Variants in NACC1 observed in about 807,000 individuals in gnomAD.
NACC1 encodes nucleus accumbens-associated protein 1.
NACC1 carries 6 observed loss-of-function variants against 41.7 expected under a neutral mutation model. The ratio of observed to expected loss-of-function variants is 0.14; its 90% confidence interval spans 0.08 to 0.28. The LOEUF is 0.28. NACC1 is among the 10% of genes least tolerant of loss of function. The pLI is 1.00. For synonymous variants in NACC1, 338 were observed against 330.6 expected, an observed-to-expected ratio of 1.02 and a Z score of -0.24; for missense variants, 434 against 763.7, an observed-to-expected ratio of 0.57 and a Z score of 5.09.
intron 1 of NACC1, among the ~76,000 whole-genome samples, chr19:13,121,219 G>A (rs936033473): frequency 6.6e-6 from 1 of 152,072 alleles, no homozygotes; most frequent in African/African-American, 2.4e-5. Context: ...CGCAGGGAGG[G>A]GTCAGTGTTC....
At chr19:13,122,907 C>T (rs117442709) in intron 1 of NACC1, among the ~76,000 whole-genome samples, 2 of 150,554 alleles carry the variant, frequency 1.3e-5, no homozygotes, top group East Asian at 1.9e-4. Context: ...GGGCGAGCGC[C>T]GATCGGCCTG....
chr19:13,122,889 C>T (rs770475418), intron 1 of NACC1, among the ~76,000 whole-genome samples: 4 of 152,124 alleles, frequency 2.6e-5, no homozygotes, highest in Admixed American at 6.5e-5. Flanking sequence ...TCATGAGCAC[C>T]GACTACGGGG....
Position 13,138,125 on chromosome 19 carries a change from C to A in NACC1, c.1325-22C>A, listed in dbSNP as rs374058040. 75 of 1,609,904 alleles carry A rather than the reference C, an allele frequency of 4.7e-5. No homozygotes were observed. The highest frequency in any genetic ancestry group is 4.4e-4 in the South Asian group (40 of 90,910). ...GAGTCACCTGGCCCCCGTGCCAAGG[C>A]CGCACCCACCCTGCCCCACAGACTA... On this transcript the variant is annotated intron_variant, in intron 5 of 5. Coordinates refer to ENST00000292431, the MANE Select transcript of NACC1 (RefSeq NM_052876.4). The surrounding 1 kb of genome is among the most constrained non-coding windows in gnomAD (Gnocchi z 5.7).
At chr19:13,118,711 G>T (rs2019443400) in intron 1 of NACC1, among the ~76,000 whole-genome samples, 2 of 151,476 alleles carry the variant, frequency 1.3e-5, no homozygotes, top group South Asian at 4.2e-4. Flanking sequence ...AGGGGGCCAG[G>T]TCGGGCCGGG....
At position 13,138,052 on chromosome 19, in the gene NACC1, A is replaced by G; in HGVS notation, c.1325-95A>G. On this transcript the variant is annotated intron_variant, in intron 5 of 5. Coordinates refer to ENST00000292431, the MANE Select transcript of NACC1 (RefSeq NM_052876.4). The surrounding 1 kb of genome is among the most constrained non-coding windows in gnomAD (Gnocchi z 5.7). ...CGTGGCCTCACTCGTTTCCCCTTTG[A>G]GAGGGAGTCGCAGATGCTGTAGGGG... 6.5e-7 allele frequency: 1 copy of G among 1,540,738 alleles called. No individual in the cohort carries two copies. The highest frequency in any genetic ancestry group is 8.8e-7 in the Non-Finnish European group (1 of 1,138,482).
Position 13,141,041 on chromosome 19 carries a change from GA to G in NACC1, c.*2636del, listed in dbSNP as rs1225784328. Reference sequence around the variant, plus strand: ...CCCACCCCTCCCTGGGCCCCCAAGTGAGATTGCACATTTAACTACTGTAAGG... The same window carrying G: ...CCCACCCCTCCCTGGGCCCCCAAGTGGATTGCACATTTAACTACTGTAAGG... On this transcript the variant is annotated 3_prime_UTR_variant, in exon 6 of 6. Coordinates refer to ENST00000292431, the MANE Select transcript of NACC1 (RefSeq NM_052876.4). 1 of 152,580 alleles carries G rather than the reference GA, an allele frequency of 6.6e-6. No individual in the cohort carries two copies. The highest frequency in any genetic ancestry group is 2.4e-5 in the African/African-American group (1 of 41,422). The allele number at this position is 152,580 out of a possible 1,614,324, so 9.5% of individuals were successfully genotyped here.
chr19:13,122,908 G>A (rs1045723659), intron 1 of NACC1, among the ~76,000 whole-genome samples: 4 of 152,078 alleles, frequency 2.6e-5, no homozygotes, highest in Admixed American at 6.5e-5. Context: ...GGCGAGCGCC[G>A]ATCGGCCTGT....
In NACC1 at chr19:13,136,222, C is replaced by A. The variant is rs749840489; in HGVS notation, c.947-10C>A. 6.2e-7 allele frequency: 1 copy of A among 1,609,548 alleles called. No individual in the cohort carries two copies. The highest frequency in any genetic ancestry group is 8.5e-7 in the Non-Finnish European group (1 of 1,177,322). On this transcript the variant is annotated splice_polypyrimidine_tract_variant and intron_variant, in intron 2 of 5. Coordinates refer to ENST00000292431, the MANE Select transcript of NACC1 (RefSeq NM_052876.4). The surrounding 1 kb of genome is among the most constrained non-coding windows in gnomAD (Gnocchi z 5.5). The stretch of plus-strand genomic sequence containing the variant: ...CCTCCTGCCACTCGCGTGCCACTCT[C>A]TCCCTGCAGCCGAGAAGGTGGAGGC...
intron 1 of NACC1, among the ~76,000 whole-genome samples, chr19:13,124,500 C>G (rs964720651): frequency 6.6e-6 from 1 of 152,126 alleles, no homozygotes; most frequent in Admixed American, 6.6e-5. Flanking sequence ...CTCAGCCTCC[C>G]GAAGTTCTGG....
At chr19:13,121,980 C>T (rs1435185373) in intron 1 of NACC1, among the ~76,000 whole-genome samples, 4 of 152,152 alleles carry the variant, frequency 2.6e-5, no homozygotes, top group Admixed American at 6.6e-5. Context: ...TCATGTTCCT[C>T]GTGTCTGCAT....
intron 1 of NACC1, among the ~76,000 whole-genome samples, chr19:13,123,513 G>T: frequency 6.6e-6 from 1 of 152,178 alleles, no homozygotes; most frequent in East Asian, 1.9e-4. Context: ...CAGGGAGAAG[G>T]GGCTAGAGAA....
intron 1 of NACC1, among the ~76,000 whole-genome samples, chr19:13,123,260 C>G (rs1336587028): frequency 6.6e-6 from 1 of 152,278 alleles, no homozygotes; most frequent in East Asian, 1.9e-4. Context: ...TGGGTATGAT[C>G]TGATTACACG....
In NACC1 at chr19:13,118,323, G is replaced by GGCGGAGGCCGCGGAGGCC. The variant is rs955197469; in HGVS notation, c.-131_-114dup. The GGCGGAGGCCGCGGAGGCC allele has an allele frequency of 3.4e-4, 50 of 147,418 alleles. No homozygotes were observed. Among genetic ancestry groups the GGCGGAGGCCGCGGAGGCC allele is most frequent in the Non-Finnish European group, 6.2e-4 (41 of 66,126 alleles). The allele number at this position is 147,418 out of a possible 1,614,324, so 9.1% of individuals were successfully genotyped here. ...CCGCCGCGGCTGCCGCTGCTGCTGA[G>GGCGGAGGCCGCGGAGGCC]GCGGAGGCCGCGGAGGCCGCGGAGG... is the stretch of plus-strand genomic sequence containing the variant. On this transcript the variant is annotated 5_prime_UTR_variant, in exon 1 of 6. Transcript: ENST00000292431.
intron 1 of NACC1, among the ~76,000 whole-genome samples, chr19:13,119,981 C>G (rs2019468682): frequency 6.6e-6 from 1 of 152,184 alleles, no homozygotes; most frequent in Non-Finnish European, 1.5e-5. Flanking sequence ...GACCCTCAGC[C>G]CAAACCCATA....
At chr19:13,129,858 C>T (rs2019610356) in intron 1 of NACC1, among the ~76,000 whole-genome samples, 1 of 151,864 alleles carries the variant, frequency 6.6e-6, no homozygotes, top group African/African-American at 2.4e-5. Flanking sequence ...CTTTCAGTCT[C>T]CATTGCCAAA....
intron 1 of NACC1, among the ~76,000 whole-genome samples, chr19:13,134,081 T>C (rs2019667364): frequency 6.6e-6 from 1 of 152,156 alleles, no homozygotes; most frequent in Non-Finnish European, 1.5e-5. Context: ...TTTGAGACAG[T>C]GTCTCTGTCT....
Position 13,137,763 on chromosome 19 carries a change from G to T in NACC1, c.1324+188G>T, listed in dbSNP as rs773980944. 6.6e-6 allele frequency among the ~76,000 whole-genome samples: 1 copy of T among 152,202 alleles called. No individual in the cohort carries two copies. The highest frequency in any genetic ancestry group is 6.5e-5 in the Admixed American group (1 of 15,280). ...TTCGTGTTTGGGGGATGCACGTGCC[G>T]AAGGGAAGCCAGGGAGCCTGTGTCA... On this transcript the variant is annotated intron_variant, in intron 5 of 5. Coordinates refer to ENST00000292431, the MANE Select transcript of NACC1 (RefSeq NM_052876.4). This position sits in a 1 kb window ranked among gnomAD's most constrained non-coding sequence, Gnocchi z 6.1.
At position 13,138,143 on chromosome 19, in the gene NACC1, A is replaced by T; in HGVS notation, c.1325-4A>T. ...GCCAAGGCCGCACCCACCCTGCCCC[A>T]CAGACTACTGCCAGAACTTCGCCCC... On this transcript the variant is annotated splice_polypyrimidine_tract_variant and splice_region_variant and intron_variant, in intron 5 of 5. Coordinates refer to ENST00000292431, the MANE Select transcript of NACC1 (RefSeq NM_052876.4). This position sits in a 1 kb window ranked among gnomAD's most constrained non-coding sequence, Gnocchi z 5.7. 2 of 1,613,032 alleles carry T rather than the reference A, an allele frequency of 1.2e-6. No individual in the cohort carries two copies. Among genetic ancestry groups the T allele is most frequent in the Non-Finnish European group, 1.7e-6 (2 of 1,179,110 alleles).
In NACC1 at chr19:13,136,248, C is replaced by G; in HGVS notation, c.963C>G (p.Ala321=). 2 of 1,613,142 alleles carry G rather than the reference C, an allele frequency of 1.2e-6. No individual in the cohort carries two copies. The highest frequency in any genetic ancestry group is 1.7e-6 in the Non-Finnish European group (2 of 1,179,380). The stretch of plus-strand genomic sequence containing the variant: ...TCCCTGCAGCCGAGAAGGTGGAGGC[C>G]CTCCCGGAGCAGGTAGCCCCCGAGT... ...NVGQTAEKVE[A]LPEQVAPESR... The change falls in exon 3 of 6, where the codon GCC becomes GCG. Residue 321 remains alanine, a synonymous_variant. Transcript: ENST00000292431. The surrounding 1 kb of genome is among the most constrained non-coding windows in gnomAD (Gnocchi z 5.5).
Sources: allele counts gnomAD v4.1 joint callset (sites outside exome capture counted in the v4.1 genomes callset), GRCh38; gene constraint gnomAD v4.1.1; non-coding constraint Gnocchi (gnomAD v3.1); transcripts MANE v1.5; gene names NCBI Gene and HGNC (gene_info 2026-07-23, HGNC 2026-07-21).